Variants in MYRFL observed in about 807,000 individuals in gnomAD.
MYRFL encodes the protein myelin regulatory factor like, also known as myelin regulatory factor-like protein.
MYRFL carries 88 observed loss-of-function variants against 109.4 expected under a neutral mutation model. That is an observed-to-expected ratio of 0.80 (90% CI 0.68 to 0.96). MYRFL has a LOEUF of 0.96. MYRFL is among the 40% of genes least tolerant of loss of function. The pLI is 0.00. For missense variants in MYRFL, 957 were observed against 954.9 expected (o/e 1.00, Z -0.03); for synonymous variants, 324 against 320.9 (o/e 1.01, Z -0.10).
At chr12:69,883,213 CTTTGAAAGTCAG>C (rs1284401644) in intron 5 of MYRFL, among the ~76,000 whole-genome samples, 1 of 152,168 alleles carries the variant, frequency 6.6e-6, no homozygotes, top group Non-Finnish European at 1.5e-5. Context: ...TATTTCAGGT[CTTTGAAAGTCAG>C]TTTCCACATT....
intron 19 of MYRFL, chr12:69,946,588 C>A (rs1955845548): frequency 6.6e-6 from 1 of 152,112 alleles, no homozygotes; most frequent in Non-Finnish European, 1.5e-5. Flanking sequence ...TTTTATTACT[C>A]CAACAGTGGC....
Position 69,903,641 on chromosome 12 carries a change from C to T in MYRFL, c.1183-3C>T, listed in dbSNP as rs537198381. The T allele has an allele frequency of 6.5e-7, 1 of 1,535,228 alleles. No homozygotes were observed. Among genetic ancestry groups the T allele is most frequent in the South Asian group, 1.2e-5 (1 of 83,932 alleles). ...ATTGTAATATATTTATGTATTTTTC[C>T]AGGCCTCTAACCCTGGGCAGTTTGA... On this transcript the variant is annotated splice_polypyrimidine_tract_variant and splice_region_variant and intron_variant, in intron 10 of 24. Transcript: ENST00000552032.
At chr12:69,833,192 G>A (rs1882739100) in intron 1 of MYRFL, among the ~76,000 whole-genome samples, 2 of 152,102 alleles carry the variant, frequency 1.3e-5, no homozygotes, top group South Asian at 4.2e-4. Context: ...AGTACAGATA[G>A]AGAAAAGGGT....
intron 14 of MYRFL, 66 bp from the exon 15 acceptor site, chr12:69,927,618 TG>T: frequency 8.5e-7 from 1 of 1,181,418 alleles, no homozygotes; most frequent in Non-Finnish European, 1.2e-6. Context: ...AGTGACAGCC[TG>T]GGCCTTTGTC....
intron 19 of MYRFL, among the ~76,000 whole-genome samples, chr12:69,937,062 G>C (rs1250826518): frequency 6.6e-6 from 1 of 152,068 alleles, no homozygotes; most frequent in Non-Finnish European, 1.5e-5. Flanking sequence ...TGAGATTTAA[G>C]GCAGTGAAAA....
chr12:69,940,578 G>T lies in MYRFL; in HGVS notation c.2224+3946G>T, dbSNP rs541908127. ...TGCTAAACATGGAAAGGAACAACCG[G>T]TACCAGCCACTGCAAAATCATCGAG... is the stretch of plus-strand genomic sequence containing the variant. On this transcript the variant is annotated intron_variant, in intron 19 of 24. Transcript: ENST00000552032. Among the ~76,000 whole-genome samples, 337 of 152,232 alleles carry T rather than the reference G, an allele frequency of 2.2e-3. 1 individual carries two copies. The highest frequency in any genetic ancestry group is 0.01 in the Middle Eastern group (3 of 294).
intron 2 of MYRFL, among the ~76,000 whole-genome samples, chr12:69,860,303 G>C (rs549606307): frequency 1.9e-4 from 29 of 152,238 alleles, no homozygotes; most frequent in Non-Finnish European, 3.4e-4. Flanking sequence ...TGGTTTTATA[G>C]TATTCCATGG....
chr12:69,921,696 T>C (rs1054489696), intron 13 of MYRFL, among the ~76,000 whole-genome samples: 1 of 152,220 alleles, frequency 6.6e-6, no homozygotes, highest in African/African-American at 2.4e-5. Flanking sequence ...CCACTTTTAT[T>C]TCCTCTTGAA....
At chr12:69,940,789 A>C (rs2120504445) in intron 19 of MYRFL, among the ~76,000 whole-genome samples, 1 of 140,284 alleles carries the variant, frequency 7.1e-6, no homozygotes, top group South Asian at 2.5e-4. Context: ...CAGGAAACCC[A>C]TCTCATGTGC....
chr12:69,910,762 G>A (rs1954542451), intron 12 of MYRFL, 59 bp from the exon 13 acceptor site: 1 of 1,288,112 alleles, frequency 7.8e-7, no homozygotes, highest in South Asian at 1.3e-5. Flanking sequence ...GCTTAGAGAG[G>A]ATTTTCTCCA....
intron 16 of MYRFL, among the ~76,000 whole-genome samples, chr12:69,933,848 G>A (rs1276925127): frequency 1.4e-5 from 2 of 143,396 alleles, no homozygotes; most frequent in African/African-American, 5.2e-5. Context: ...AAGGTAAAGA[G>A]ACTGCTTTTT....
At chr12:69,937,430 C>CTGAG (rs1313862463) in intron 19 of MYRFL, among the ~76,000 whole-genome samples, 1 of 152,176 alleles carries the variant, frequency 6.6e-6, no homozygotes, top group African/African-American at 2.4e-5. Flanking sequence ...CAATTTAATT[C>CTGAG]TGAGTCACTC....
At position 69,895,369 on chromosome 12, in the gene MYRFL, AG is replaced by A; in HGVS notation, c.981-1del. The A allele has an allele frequency of 6.7e-7, 1 of 1,500,928 alleles. No individual in the cohort carries two copies. The highest frequency in any genetic ancestry group is 8.9e-7 in the Non-Finnish European group (1 of 1,122,452). 93.0% of individuals were successfully genotyped at this position (1,500,928 alleles called of 1,614,324 possible). ...GTTTTTTTTTTTTGCTGTTTGTTTT[AG>A]AATTGACCTACTGGCTGACCAGGTC... On this transcript the variant is annotated splice_acceptor_variant, in intron 8 of 24. Transcript: ENST00000552032. LOFTEE classifies it high-confidence loss of function.
intron 1 of MYRFL, among the ~76,000 whole-genome samples, chr12:69,853,259 C>T (rs545327721): frequency 6.6e-5 from 10 of 151,870 alleles, no homozygotes; most frequent in African/African-American, 2.4e-4. Context: ...CGGGCAGGGG[C>T]TGCCCCCCAT....
At chr12:69,944,732 C>T (rs1366930080) in intron 19 of MYRFL, among the ~76,000 whole-genome samples, 4 of 151,754 alleles carry the variant, frequency 2.6e-5, no homozygotes, top group African/African-American at 9.7e-5. Context: ...TAATGGATAT[C>T]CCTTGGGCTA....
intron 2 of MYRFL, among the ~76,000 whole-genome samples, chr12:69,867,943 C>G (rs552217733): frequency 1.6e-4 from 24 of 152,188 alleles, no homozygotes; most frequent in African/African-American, 5.8e-4. Flanking sequence ...GATGAAACGA[C>G]CTATAATAAT....
intron 13 of MYRFL, among the ~76,000 whole-genome samples, chr12:69,926,196 C>T (rs1219297759): frequency 7.1e-6 from 1 of 140,136 alleles, no homozygotes; most frequent in Non-Finnish European, 1.5e-5. Flanking sequence ...ACAATCTCAG[C>T]TCACTGCAAC....
In MYRFL at chr12:69,936,623, C is replaced by T. The variant is rs180790706; in HGVS notation, c.2215C>T (p.Arg739Ter). 4.5e-5 allele frequency: 69 copies of T among 1,523,306 alleles called. No individual in the cohort carries two copies. The African/African-American group carries it at 4.7e-4, about 10-fold the overall frequency. 94.4% of individuals were successfully genotyped at this position (1,523,306 alleles called of 1,614,324 possible). A position where few individuals can be genotyped will look rare whatever the true frequency, so the allele number is the denominator to read the frequency against. ...TGAGGAGAAGGAATTCCATCAGAGG[C>T]GATGGTCAGGTAAATGATGTTCAAA... ...QSEEKEFHQR[R>*]WSEDKSKSVL... is the part of the protein sequence containing the mutation. The change falls in exon 19 of 25, where the codon CGA (arginine) becomes TGA (stop). Residue 739 changes from arginine to a stop codon, truncating the protein, a stop_gained. Coordinates refer to ENST00000552032, the MANE Select transcript of MYRFL (RefSeq NM_182530.3). LOFTEE classifies it high-confidence loss of function.
At chr12:69,909,920 A>C in intron 11 of MYRFL, 49 bp from the exon 12 acceptor site, 2 of 1,309,492 alleles carry the variant, frequency 1.5e-6, no homozygotes, top group Non-Finnish European at 2.1e-6. Flanking sequence ...ATTAATTTGA[A>C]TAGCAAATAT....
Sources: allele counts gnomAD v4.1 joint callset (sites outside exome capture counted in the v4.1 genomes callset), GRCh38; gene constraint gnomAD v4.1.1; transcripts MANE v1.5; gene names NCBI Gene and HGNC (gene_info 2026-07-23, HGNC 2026-07-21).